The following CSNK1D variants were observed in gnomAD, a reference collection of about 807,000 sequenced individuals.
CSNK1D encodes casein kinase I isoform delta.
CSNK1D carries 16 observed loss-of-function variants against 46.6 expected under a neutral mutation model. That is an observed-to-expected ratio of 0.34 (90% CI 0.23 to 0.52). CSNK1D has a LOEUF of 0.52. Ranked by LOEUF, CSNK1D falls within the 20% of genes least tolerant of loss-of-function variation. The pLI, the probability that CSNK1D is intolerant of heterozygous loss-of-function variation, is 0.95. For synonymous variants in CSNK1D, 276 were observed against 228.2 expected (o/e 1.21, Z -1.89); for missense variants, 398 against 578.4 (o/e 0.69, Z 3.20).
At chr17:82,246,025 G>T (rs138754687) in intron 8 of CSNK1D, 1 of 1,610,166 alleles carries the variant, frequency 6.2e-7, no homozygotes, top group South Asian at 1.1e-5. Context: ...CGTGGTGTTC[G>T]AAAGGAATGC....
intron 2 of CSNK1D, among the ~76,000 whole-genome samples, chr17:82,257,230 A>G (rs746222905): frequency 6.6e-6 from 1 of 151,320 alleles, no homozygotes; most frequent in Non-Finnish European, 1.5e-5. Context: ...GTAGTTCTTT[A>G]TAACTTCTAG....
chr17:82,246,704 T>C, intron 8 of CSNK1D: 1 of 992,472 alleles, frequency 1.0e-6, no homozygotes, highest in Non-Finnish European at 1.2e-6. Flanking sequence ...CTTCCACCCA[T>C]CCACACCCAG....
At chr17:82,269,372 C>T (rs2051560257) in intron 1 of CSNK1D, among the ~76,000 whole-genome samples, 5 of 152,164 alleles carry the variant, frequency 3.3e-5, no homozygotes, top group Admixed American at 3.3e-4. Context: ...AGCCCTAACA[C>T]TGCAGTGAGG....
chr17:82,264,446 C>CT (rs1256509572), intron 2 of CSNK1D, among the ~76,000 whole-genome samples: 1 of 152,224 alleles, frequency 6.6e-6, no homozygotes, highest in African/African-American at 2.4e-5. Context: ...GAGCTGGACT[C>CT]TGAGGGGAGG....
chr17:82,259,582 G>A (rs1423387995), intron 2 of CSNK1D, among the ~76,000 whole-genome samples: 1 of 152,268 alleles, frequency 6.6e-6, no homozygotes, highest in Non-Finnish European at 1.5e-5. Context: ...AACAGCCACT[G>A]CAACTTCACA....
intron 2 of CSNK1D, among the ~76,000 whole-genome samples, chr17:82,258,962 T>C (rs2051255811): frequency 6.6e-6 from 1 of 152,240 alleles, no homozygotes; most frequent in South Asian, 2.1e-4. Flanking sequence ...AGTGTTTTAA[T>C]TAATCCTGGA....
intron 8 of CSNK1D, chr17:82,246,653 T>C: frequency 3.0e-6 from 3 of 998,146 alleles, no homozygotes; most frequent in Non-Finnish European, 3.6e-6. Flanking sequence ...GCCCTACAAC[T>C]ATGGGGGCCT....
At position 82,249,651 on chromosome 17, in the gene CSNK1D, G is replaced by A. The variant is rs751011842; in HGVS notation, c.886-49C>T. On this transcript the variant is annotated intron_variant, in intron 6 of 8. Coordinates refer to ENST00000314028, the MANE Select transcript of CSNK1D (RefSeq NM_001893.6). The surrounding 1 kb of genome is among the most constrained non-coding windows in gnomAD (Gnocchi z 6.7). ...GGAATGGAACCAGCTTTGGCAGAAA[G>A]CAACCCTAGGTCCTAGGCTGCCCCG... 162 of 1,544,160 alleles carry A rather than the reference G, an allele frequency of 1.0e-4. 1 individual carries two copies. In the Middle Eastern group the frequency reaches 1.6e-3, roughly 15 times the overall value.
chr17:82,246,834 G>C, intron 8 of CSNK1D: 1 of 986,482 alleles, frequency 1.0e-6, no homozygotes, highest in Non-Finnish European at 1.2e-6. Flanking sequence ...AGGAAGACTG[G>C]CCGGGGATGA....
At position 82,253,200 on chromosome 17, in the gene CSNK1D, C is replaced by A. The variant is rs767499529; in HGVS notation, c.381G>T (p.Arg127=). ...TGAGGAAGTTGTCTGGCTTCACATCCCGGTGGATGAAGTTCTTTGAATGAA... is the reference window on the plus strand; with the variant it reads ...TGAGGAAGTTGTCTGGCTTCACATCACGGTGGATGAAGTTCTTTGAATGAA... ...EYIHSKNFIH[R]DVKPDNFLMG... Residue 127 remains arginine (R), a synonymous_variant, in exon 4 of 9, where the codon CGG becomes CGT. Coordinates refer to ENST00000314028, the MANE Select transcript of CSNK1D (RefSeq NM_001893.6). 1 of 1,614,174 alleles carries A rather than the reference C, an allele frequency of 6.2e-7. No homozygotes were observed. Among genetic ancestry groups the A allele is most frequent in the Non-Finnish European group, 8.5e-7 (1 of 1,180,016 alleles).
At chr17:82,259,451 A>C (rs2051268221) in intron 2 of CSNK1D, among the ~76,000 whole-genome samples, 1 of 152,244 alleles carries the variant, frequency 6.6e-6, no homozygotes, top group Admixed American at 6.5e-5. Context: ...GGGTTACACA[A>C]AACTTGGCTG....
rs2050929133 is a variant in CSNK1D at position 82,249,092 on chromosome 17, GCCAGAGAGGA to G, written c.1058-88_1058-79del. The G allele has an allele frequency of 6.7e-7, 1 of 1,503,502 alleles. No homozygotes were observed. The highest frequency in any genetic ancestry group is 1.4e-5 in the African/African-American group (1 of 72,268). 93.1% of individuals were successfully genotyped at this position (1,503,502 alleles called of 1,614,324 possible). On this transcript the variant is annotated intron_variant, in intron 7 of 8. Coordinates refer to ENST00000314028, the MANE Select transcript of CSNK1D (RefSeq NM_001893.6). This position sits in a 1 kb window ranked among gnomAD's most constrained non-coding sequence, Gnocchi z 6.7. ...TCGGGGCTTTCTATGAGAGGCTGTG[GCCAGAGAGGA>G]CCCTGGGCTGCCTGGACAGTCAGGA...
chr17:82,248,981 T>C lies in CSNK1D; in HGVS notation c.1091A>G (p.Glu364Gly), dbSNP rs919934957. ...CCGCATACTCACTTTCCGCTCTCTC[T>C]CCATGCCGGAGACGGGCCGGGGGGA... ...NTSPRPVSGM[E>G]RERKVSMRLH... Residue 364 changes from glutamate to glycine, a missense_variant, in exon 8 of 9, where the codon GAG becomes GGG. This residue lies in a region of CSNK1D where 181 missense variants were observed against 208.0 expected (regional missense o/e 0.87). Transcript: ENST00000314028. The surrounding 1 kb of genome is among the most constrained non-coding windows in gnomAD (Gnocchi z 4.1). 2 of 1,577,206 alleles carry C rather than the reference T, an allele frequency of 1.3e-6. No individual in the cohort carries two copies. Among genetic ancestry groups the C allele is most frequent in the African/African-American group, 2.7e-5 (2 of 74,000 alleles).
intron 8 of CSNK1D, chr17:82,247,670 G>A (rs2147157094): frequency 2.0e-6 from 2 of 985,304 alleles, no homozygotes; most frequent in East Asian, 1.1e-4. Flanking sequence ...GTGGAAAGAA[G>A]CCAGTTAAAC....
At chr17:82,240,010 C>T (rs917104685), downstream of CSNK1D, 26 of 1,233,660 alleles carry the variant, frequency 2.1e-5, no homozygotes, top group Admixed American at 8.4e-5. Context: ...GGGACGGCAG[C>T]GGGTGCCCTG....
chr17:82,259,535 G>A (rs115311716), intron 2 of CSNK1D, among the ~76,000 whole-genome samples: 1,943 of 152,336 alleles, frequency 0.013, 47 homozygotes, highest in African/African-American at 0.044. Flanking sequence ...AGACGTCTGC[G>A]TTATCCTGCA....
intron 2 of CSNK1D, chr17:82,265,192 T>TG (rs569012693): frequency 0.018 from 3,482 of 192,744 alleles, 48 homozygotes; most frequent in Non-Finnish European, 0.027. Flanking sequence ...TTTTTTTTTT[T>TG]GGGGGGGACA....
intron 8 of CSNK1D, 183 bp from the exon 9 acceptor site, chr17:82,245,014 G>T: frequency 1.4e-6 from 1 of 734,178 alleles, no homozygotes; most frequent in Non-Finnish European, 2.3e-6. Context: ...TCAGCAGAAC[G>T]AGTGACAGGA....
At chr17:82,265,365 G>A (rs1331223168) in intron 2 of CSNK1D, 2 of 367,910 alleles carry the variant, frequency 5.4e-6, no homozygotes, top group African/African-American at 2.1e-5. Flanking sequence ...TTTTAGTAGA[G>A]ACGGGGTTTC....
Sources: gnomAD v4.1 joint callset for allele counts (sites outside exome capture counted in the v4.1 genomes callset) on GRCh38, gnomAD v4.1.1 for gene constraint, gnomAD v4.1.1 regional missense constraint, Gnocchi (gnomAD v3.1) non-coding constraint, MANE v1.5 for transcripts, NCBI Gene and HGNC (gene_info 2026-07-23, HGNC 2026-07-21) for gene names.